CHN2: variants seen among roughly 807,000 people sequenced by gnomAD.
CHN2 encodes the protein beta-chimaerin.
CHN2 carries 35 observed loss-of-function variants against 56.3 expected under a neutral mutation model. The observed-to-expected ratio is 0.62, with a 90% CI of 0.47 to 0.82. CHN2 has a LOEUF of 0.82. Among genes scored for constraint, CHN2 ranks in the 40% least tolerant of loss-of-function variants. CHN2 has a pLI of 0.00. For synonymous variants in CHN2, 210 were observed against 212.8 expected (o/e 0.99, Z 0.12); for missense variants, 491 against 580.5 (o/e 0.85, Z 1.58).
At chr7:29,221,758 A>G (rs1486007740) in intron 1 of CHN2, among the ~76,000 whole-genome samples, 1 of 152,200 alleles carries the variant, frequency 6.6e-6, no homozygotes, top group African/African-American at 2.4e-5. Context: ...AACAGCTTCC[A>G]GCTCCATTCA....
chr7:29,499,795 T>A (rs1789742461), intron 8 of CHN2, 72 bp from the exon 9 acceptor site: 1 of 1,385,994 alleles, frequency 7.2e-7, no homozygotes, highest in Middle Eastern at 1.9e-4. Context: ...TTTTTATTTT[T>A]GGCAACATAT....
intron 1 of CHN2, among the ~76,000 whole-genome samples, chr7:29,217,073 G>A (rs1384133168): frequency 6.6e-6 from 1 of 152,164 alleles, no homozygotes; most frequent in Non-Finnish European, 1.5e-5. Context: ...GCATTTTACA[G>A]AAATAATGTA....
upstream of CHN2, chr7:29,193,618 A>T (rs529703042): frequency 1.3e-5 from 2 of 152,166 alleles, no homozygotes; most frequent in African/African-American, 2.4e-5. Context: ...AAACAGACTT[A>T]AAAAAAATCT....
At chr7:29,189,803 T>C (rs1192911354), upstream of CHN2, among the ~76,000 whole-genome samples, 1 of 151,600 alleles carries the variant, frequency 6.6e-6, no homozygotes, top group African/African-American at 2.4e-5. Flanking sequence ...AGTGGCCAAA[T>C]AGGATACTCC....
intron 3 of CHN2, among the ~76,000 whole-genome samples, chr7:29,392,768 T>C (rs1294203021): frequency 6.6e-6 from 1 of 152,188 alleles, no homozygotes; most frequent in East Asian, 1.9e-4. Context: ...GTGAAAACTG[T>C]CCATTTGACT....
intron 3 of CHN2, among the ~76,000 whole-genome samples, chr7:29,381,101 AT>A: frequency 6.6e-6 from 1 of 152,296 alleles, no homozygotes; most frequent in Middle Eastern, 3.4e-3. Flanking sequence ...TAAATTCTGG[AT>A]TTTGAGTCTC....
chr7:29,313,897 C>T (rs1200731776), intron 1 of CHN2, among the ~76,000 whole-genome samples: 1 of 152,188 alleles, frequency 6.6e-6, no homozygotes, highest in Non-Finnish European at 1.5e-5. Context: ...CTCTCAGCCT[C>T]TGTCTAGGGA....
intron 7 of CHN2, chr7:29,483,810 CTT>C (rs1787635928): frequency 8.2e-7 from 1 of 1,214,390 alleles, no homozygotes; most frequent in African/African-American, 1.6e-5. Context: ...CCTGCCCACA[CTT>C]AGCACAGTGC....
chr7:29,253,066 T>A (rs937238123), intron 1 of CHN2, among the ~76,000 whole-genome samples: 3 of 152,070 alleles, frequency 2.0e-5, no homozygotes, highest in African/African-American at 7.2e-5. Flanking sequence ...TTGAAGACAG[T>A]GTATCAGTTA....
chr7:29,482,321 G>C (rs1350849229), intron 7 of CHN2, among the ~76,000 whole-genome samples: 4 of 152,210 alleles, frequency 2.6e-5, no homozygotes, highest in Non-Finnish European at 5.9e-5. Context: ...GGCATTCGAT[G>C]GTACTGTTGG....
chr7:29,254,333 G>C (rs1348296889), intron 1 of CHN2, among the ~76,000 whole-genome samples: 3 of 152,198 alleles, frequency 2.0e-5, no homozygotes, highest in East Asian at 3.8e-4. Context: ...ATTAATGGAG[G>C]AGACTAGTGC....
At chr7:29,389,862 T>C (rs1292176147) in intron 3 of CHN2, among the ~76,000 whole-genome samples, 1 of 152,076 alleles carries the variant, frequency 6.6e-6, no homozygotes, top group East Asian at 1.9e-4. Flanking sequence ...GAGACCAGCC[T>C]GGGCAACATG....
intron 7 of CHN2, among the ~76,000 whole-genome samples, chr7:29,487,340 C>A (rs778402098): frequency 6.6e-6 from 1 of 151,918 alleles, no homozygotes. Flanking sequence ...AAATGAGGGA[C>A]TCAAAGTGAG....
rs556223782 is a variant in CHN2, at chr7:29,423,906, G to T, written c.576+23078G>T. On this transcript the variant is annotated intron_variant, in intron 6 of 12. Coordinates refer to ENST00000222792, the MANE Select transcript of CHN2 (RefSeq NM_004067.4). ...GCATCCTTTTTGGCTCAAATGCCAGGTCTTACCTGGCGGCTACCTCTCAGT... is the reference window on the plus strand; with the variant it reads ...GCATCCTTTTTGGCTCAAATGCCAGTTCTTACCTGGCGGCTACCTCTCAGT... Among the ~76,000 whole-genome samples the T allele has an allele frequency of 2.0e-5, 3 of 152,128 alleles. 1 individual carries two copies. The highest frequency in any genetic ancestry group is 6.3e-3 in the Middle Eastern group (2 of 316).
chr7:29,271,589 G>A (rs1474241840), intron 1 of CHN2, among the ~76,000 whole-genome samples: 1 of 152,192 alleles, frequency 6.6e-6, no homozygotes, highest in Non-Finnish European at 1.5e-5. Context: ...GGTGCTTGCT[G>A]TTCAGGTTGA....
intron 6 of CHN2, among the ~76,000 whole-genome samples, chr7:29,446,016 A>G (rs1044598029): frequency 1.3e-5 from 2 of 152,092 alleles, no homozygotes; most frequent in Admixed American, 6.6e-5. Context: ...TTGGAGGCAC[A>G]TGAGCATCAT....
At chr7:29,336,923 A>T (rs1796672717) in intron 1 of CHN2, among the ~76,000 whole-genome samples, 1 of 152,080 alleles carries the variant, frequency 6.6e-6, no homozygotes, top group Non-Finnish European at 1.5e-5. Flanking sequence ...GCCCAGCTCC[A>T]ATGTCATCTC....
chr7:29,503,518 C>T (rs1790206836), intron 9 of CHN2, among the ~76,000 whole-genome samples: 1 of 152,148 alleles, frequency 6.6e-6, no homozygotes, highest in Non-Finnish European at 1.5e-5. Flanking sequence ...TCCAGTTGAT[C>T]AGTAGTGGTC....
intron 1 of CHN2, among the ~76,000 whole-genome samples, chr7:29,203,930 G>C (rs1784337090): frequency 6.6e-6 from 1 of 152,130 alleles, no homozygotes; most frequent in Admixed American, 6.5e-5. Context: ...GTTTTGTTTT[G>C]TTTGGGCTTC....
Sources: gnomAD v4.1 joint callset for allele counts (sites outside exome capture counted in the v4.1 genomes callset) on GRCh38, gnomAD v4.1.1 for gene constraint, MANE v1.5 for transcripts, NCBI Gene and HGNC (gene_info 2026-07-23, HGNC 2026-07-21) for gene names.